The following FMNL2 variants were observed in gnomAD, a reference collection of about 807,000 sequenced individuals.
FMNL2 encodes formin like 2, also known as formin-like protein 2.
FMNL2 carries 51 observed loss-of-function variants against 130.2 expected under a neutral mutation model. The observed-to-expected ratio is 0.39, with a 90% CI of 0.31 to 0.49. FMNL2 has a LOEUF of 0.49. Among genes scored for constraint, FMNL2 ranks in the 20% least tolerant of loss-of-function variants. FMNL2 has a pLI of 0.85. For missense variants in FMNL2, 977 were observed against 1,316.2 expected (o/e 0.74, Z 3.99); for synonymous variants, 465 against 467.1 (o/e 1.00, Z 0.06).
At chr2:152,502,235 C>A (rs1375583007) in intron 1 of FMNL2, among the ~76,000 whole-genome samples, 1 of 152,166 alleles carries the variant, frequency 6.6e-6, no homozygotes, top group African/African-American at 2.4e-5. Context: ...TAGGTACAAC[C>A]CTGTTGGAAA....
chr2:152,607,470 T>TACACACACACACAC lies in FMNL2; in HGVS notation c.951+81_951+94dup, dbSNP rs3080598. On this transcript the variant is annotated intron_variant, in intron 10 of 25. Coordinates refer to ENST00000288670, the MANE Select transcript of FMNL2 (RefSeq NM_052905.4). ...TCAGTTTCAATACTTTTTTTCTAAATACACACACACACACACACACACACA... is the reference window on the plus strand; with the variant it reads ...TCAGTTTCAATACTTTTTTTCTAAATACACACACACACACACACACACACACACACACACACACA... 15 of 618,018 alleles carry TACACACACACACAC rather than the reference T, an allele frequency of 2.4e-5. No individual in the cohort carries two copies. In the African/African-American group the frequency reaches 2.9e-4, roughly 12 times the overall value. 38.3% of individuals were successfully genotyped at this position (618,018 alleles called of 1,614,324 possible).
At chr2:152,634,679 G>C (rs569708302) in intron 21 of FMNL2, among the ~76,000 whole-genome samples, 1 of 152,298 alleles carries the variant, frequency 6.6e-6, no homozygotes, top group South Asian at 2.1e-4. Context: ...TGAATATGGC[G>C]GATGAGGCAA....
chr2:152,459,831 C>T (rs1689147910), intron 1 of FMNL2, among the ~76,000 whole-genome samples: 1 of 152,078 alleles, frequency 6.6e-6, no homozygotes, highest in African/African-American at 2.4e-5. Context: ...AGAAAAAATA[C>T]ATAAATAGGT....
intron 1 of FMNL2, among the ~76,000 whole-genome samples, chr2:152,369,524 A>T (rs943767086): frequency 1.3e-5 from 2 of 152,212 alleles, no homozygotes; most frequent in Admixed American, 1.3e-4. Context: ...AATCCCTGCT[A>T]ATCCTCAAAA....
At chr2:152,386,100 T>G (rs780153746) in intron 1 of FMNL2, among the ~76,000 whole-genome samples, 5 of 152,176 alleles carry the variant, frequency 3.3e-5, no homozygotes, top group Admixed American at 6.5e-5. Context: ...TTGGTGACAA[T>G]AGAAGATAGG....
intron 15 of FMNL2, among the ~76,000 whole-genome samples, chr2:152,624,962 T>TAGTC (rs1462840489): frequency 6.6e-6 from 1 of 152,230 alleles, no homozygotes; most frequent in Admixed American, 6.5e-5. Context: ...TCTGGTAGTC[T>TAGTC]AGTCAGCCAC....
intron 15 of FMNL2, among the ~76,000 whole-genome samples, chr2:152,620,687 A>G (rs959866348): frequency 1.3e-5 from 2 of 152,178 alleles, no homozygotes; most frequent in African/African-American, 2.4e-5. Flanking sequence ...TCTTAGCTGT[A>G]AAGATTTCCC....
chr2:152,479,489 C>G (rs1690355851), intron 1 of FMNL2, among the ~76,000 whole-genome samples: 1 of 152,166 alleles, frequency 6.6e-6, no homozygotes, highest in Non-Finnish European at 1.5e-5. Context: ...TTCAACATTA[C>G]TTCATCACCA....
chr2:152,557,197 A>C (rs1695266075), intron 4 of FMNL2, among the ~76,000 whole-genome samples: 1 of 152,168 alleles, frequency 6.6e-6, no homozygotes, highest in Non-Finnish European at 1.5e-5. Context: ...AGTATCTAGT[A>C]GGTGCTGTGA....
intron 2 of FMNL2, among the ~76,000 whole-genome samples, chr2:152,528,415 G>T: frequency 6.6e-6 from 1 of 152,136 alleles, no homozygotes; most frequent in Non-Finnish European, 1.5e-5. Flanking sequence ...CCCTCCCAAG[G>T]CCCTAAAGGA....
rs148621231 is a variant in FMNL2 at position 152,371,356 on chromosome 2, T to C, written c.117+35636T>C. On this transcript the variant is annotated intron_variant, in intron 1 of 25. Transcript: ENST00000288670. The stretch of plus-strand genomic sequence containing the variant: ...GTCAGTGCTATGGTTTGAATATTTG[T>C]TCCTTCCAAAACTCATGTCGAAATG... Among the ~76,000 whole-genome samples the C allele has an allele frequency of 8.3e-4, 111 of 134,480 alleles. No individual in the cohort carries two copies. In the South Asian group the frequency reaches 9.0e-3, roughly 11 times the overall value. 88.2% of individuals were successfully genotyped at this position (134,480 alleles called of 152,430 possible).
In FMNL2 at chr2:152,520,173, A is replaced by G. The variant is rs1026563133; in HGVS notation, c.118-1770A>G. Among the ~76,000 whole-genome samples the G allele has an allele frequency of 8.5e-5, 13 of 152,336 alleles. No homozygotes were observed. The East Asian group carries it at 1.5e-3, about 18-fold the overall frequency. On this transcript the variant is annotated intron_variant, in intron 1 of 25. Transcript: ENST00000288670. Reference sequence around the variant, plus strand: ...TAGATATTCCATGAAGACAGGCCATATGAAAACATTTTCCCATATTAGATG... The same window carrying G: ...TAGATATTCCATGAAGACAGGCCATGTGAAAACATTTTCCCATATTAGATG...
chr2:152,524,325 A>G (rs1693265354), intron 2 of FMNL2, among the ~76,000 whole-genome samples: 1 of 152,170 alleles, frequency 6.6e-6, no homozygotes, highest in Admixed American at 6.5e-5. Context: ...TTCCTGACTC[A>G]TTGCATAAAT....
At chr2:152,634,695 C>T (rs1207327812) in intron 21 of FMNL2, among the ~76,000 whole-genome samples, 2 of 152,184 alleles carry the variant, frequency 1.3e-5, no homozygotes, top group African/African-American at 2.4e-5. Flanking sequence ...GGCAAAGCTT[C>T]ATAGCCCAAT....
chr2:152,592,323 A>G (rs1697486050), intron 9 of FMNL2, among the ~76,000 whole-genome samples: 1 of 152,210 alleles, frequency 6.6e-6, no homozygotes, highest in Non-Finnish European at 1.5e-5. Flanking sequence ...TTGACAATGA[A>G]TGTGTGTATT....
intron 1 of FMNL2, among the ~76,000 whole-genome samples, chr2:152,353,496 A>G (rs1682618107): frequency 6.6e-6 from 1 of 152,210 alleles, no homozygotes; most frequent in African/African-American, 2.4e-5. Context: ...CCCTATACTC[A>G]CTTTGTTAGA....
intron 1 of FMNL2, among the ~76,000 whole-genome samples, chr2:152,409,039 A>T (rs1686147772): frequency 2.0e-5 from 3 of 152,200 alleles, no homozygotes; most frequent in Admixed American, 2.0e-4. Flanking sequence ...AAGGGTTTGC[A>T]ATTGGCTTCA....
At chr2:152,376,499 A>G (rs975088268) in intron 1 of FMNL2, among the ~76,000 whole-genome samples, 2 of 152,160 alleles carry the variant, frequency 1.3e-5, no homozygotes, top group South Asian at 4.1e-4. Flanking sequence ...AAGGAGTTGG[A>G]TGGACTCATT....
chr2:152,493,575 G>C (rs1691334022), intron 1 of FMNL2, among the ~76,000 whole-genome samples: 1 of 152,178 alleles, frequency 6.6e-6, no homozygotes, highest in Non-Finnish European at 1.5e-5. Flanking sequence ...GTGTCCTAAT[G>C]AGTCTTCCTG....
Sources: gnomAD v4.1 joint callset for allele counts (sites outside exome capture counted in the v4.1 genomes callset) on GRCh38, gnomAD v4.1.1 for gene constraint, MANE v1.5 for transcripts, NCBI Gene and HGNC (gene_info 2026-07-23, HGNC 2026-07-21) for gene names.